The following PHF14 variants were observed in gnomAD, a reference collection of about 807,000 sequenced individuals.
PHF14 encodes the protein PHD finger protein 14.
A neutral mutation model predicts 117.9 loss-of-function variants in PHF14; 55 were observed. That is an observed-to-expected ratio of 0.47 (90% CI 0.38 to 0.58). The LOEUF (loss-of-function observed/expected upper bound fraction) is 0.58. Ranked by LOEUF, PHF14 falls within the 20% of genes least tolerant of loss-of-function variation. The pLI is 0.00. For missense variants in PHF14, 978 were observed against 1,122.2 expected (o/e 0.87, Z 1.84); for synonymous variants, 409 against 368.6 (o/e 1.11, Z -1.26).
chr7:11,122,476 A>G (rs1345523837), intron 17 of PHF14, among the ~76,000 whole-genome samples: 1 of 143,498 alleles, frequency 7.0e-6, no homozygotes, highest in Non-Finnish European at 1.5e-5. Flanking sequence ...GTGTGTGTCA[A>G]AGGGTAGTGA....
At chr7:11,078,466 A>C (rs1785952945) in intron 16 of PHF14, among the ~76,000 whole-genome samples, 1 of 152,174 alleles carries the variant, frequency 6.6e-6, no homozygotes, top group African/African-American at 2.4e-5. Context: ...AAATGCAAAT[A>C]ACCTCTCTGC....
chr7:11,140,223 C>T (rs1034134496), intron 17 of PHF14, among the ~76,000 whole-genome samples: 3 of 152,102 alleles, frequency 2.0e-5, no homozygotes, highest in Non-Finnish European at 4.4e-5. Context: ...GCCCGTTATA[C>T]GACCCTACCG....
At chr7:11,023,587 G>A (rs1270953022) in intron 6 of PHF14, among the ~76,000 whole-genome samples, 1 of 152,174 alleles carries the variant, frequency 6.6e-6, no homozygotes, top group African/African-American at 2.4e-5. Context: ...AGCACTTCGG[G>A]AGGCCAAGGT....
rs1290335245 is a variant in PHF14, at chr7:11,024,267, T to C, written c.1317+1288T>C. ...AAGGTTGAAAGGTAGCAGAGGTTGG[T>C]TCATGAGGTTTAAGGAAAGAAGCCA... is the stretch of plus-strand genomic sequence containing the variant. On this transcript the variant is annotated intron_variant, in intron 6 of 17. Coordinates refer to ENST00000634607, the MANE Select transcript of PHF14 (RefSeq NM_001007157.2). Among the ~76,000 whole-genome samples, 3 of 152,222 alleles carry C rather than the reference T, an allele frequency of 2.0e-5. No individual in the cohort carries two copies. In the East Asian group the frequency reaches 5.8e-4, roughly 29 times the overall value.
At chr7:10,988,974 G>T (rs1330567171) in intron 3 of PHF14, among the ~76,000 whole-genome samples, 3 of 152,122 alleles carry the variant, frequency 2.0e-5, no homozygotes, top group Admixed American at 2.0e-4. Context: ...AATCTGGGCA[G>T]ATTTTTGTTT....
chr7:11,026,811 G>T (rs1161230485), intron 6 of PHF14, among the ~76,000 whole-genome samples: 1 of 151,554 alleles, frequency 6.6e-6, no homozygotes, highest in African/African-American at 2.4e-5. Flanking sequence ...ACAGAAACAG[G>T]TCCAGGCTAA....
At chr7:11,136,186 A>G (rs1368960244) in intron 17 of PHF14, among the ~76,000 whole-genome samples, 2 of 152,154 alleles carry the variant, frequency 1.3e-5, no homozygotes, top group African/African-American at 2.4e-5. Flanking sequence ...TGTAAGGTCA[A>G]TGTGGTCACT....
At chr7:11,148,392 C>T (rs189055646) in intron 17 of PHF14, among the ~76,000 whole-genome samples, 1 of 152,270 alleles carries the variant, frequency 6.6e-6, no homozygotes, top group African/African-American at 2.4e-5. Context: ...GACCGTTGCC[C>T]TTGTTCCCTG....
At chr7:11,150,590 A>C (rs1562486990) in intron 17 of PHF14, among the ~76,000 whole-genome samples, 1 of 152,192 alleles carries the variant, frequency 6.6e-6, no homozygotes, top group Non-Finnish European at 1.5e-5. Context: ...TTAAATTTTT[A>C]AGTAAAGCTT....
At chr7:11,047,311 G>A (rs1410655057) in intron 13 of PHF14, among the ~76,000 whole-genome samples, 4 of 151,760 alleles carry the variant, frequency 2.6e-5, no homozygotes, top group Admixed American at 6.6e-5. Context: ...CTCATGATCC[G>A]CCTGCCTTGG....
chr7:11,019,507 G>A (rs1583374092), intron 5 of PHF14, among the ~76,000 whole-genome samples: 1 of 152,124 alleles, frequency 6.6e-6, no homozygotes, highest in African/African-American at 2.4e-5. Flanking sequence ...ATTTCTTTTA[G>A]ATTTTCTAAT....
intron 17 of PHF14, among the ~76,000 whole-genome samples, chr7:11,114,650 C>G (rs907122564): frequency 2.6e-5 from 4 of 152,096 alleles, no homozygotes; most frequent in African/African-American, 9.7e-5. Context: ...GTCTCATCAA[C>G]TCTTCATAAA....
At chr7:11,078,145 T>C (rs1785939280) in intron 16 of PHF14, among the ~76,000 whole-genome samples, 1 of 152,212 alleles carries the variant, frequency 6.6e-6, no homozygotes, top group South Asian at 2.1e-4. Context: ...TTTTTCCCCT[T>C]ATTTATCCTT....
intron 16 of PHF14, among the ~76,000 whole-genome samples, chr7:11,102,112 T>A (rs1156639500): frequency 6.6e-6 from 1 of 151,820 alleles, no homozygotes; most frequent in East Asian, 1.9e-4. Flanking sequence ...CCATATTTGA[T>A]GAAAAAATAG....
At chr7:11,104,011 A>C in intron 16 of PHF14, 5 of 985,060 alleles carry the variant, frequency 5.1e-6, no homozygotes, top group Non-Finnish European at 6.0e-6. Context: ...GGCTGCTTTT[A>C]AGCAAAATGA....
intron 17 of PHF14, among the ~76,000 whole-genome samples, chr7:11,151,537 C>A (rs185757124): frequency 6.6e-6 from 1 of 152,066 alleles, no homozygotes; most frequent in African/African-American, 2.4e-5. Context: ...CCAGCCTGGG[C>A]GACAGCAAGA....
At chr7:11,034,660 TA>T (rs1784252623) in intron 7 of PHF14, among the ~76,000 whole-genome samples, 1 of 144,898 alleles carries the variant, frequency 6.9e-6, no homozygotes, top group Non-Finnish European at 1.5e-5. Flanking sequence ...GCAATTCTCC[TA>T]CCTCAGCCTC....
At chr7:11,076,845 G>A (rs947650899) in intron 16 of PHF14, among the ~76,000 whole-genome samples, 4 of 151,018 alleles carry the variant, frequency 2.6e-5, no homozygotes, top group Admixed American at 2.6e-4. Context: ...TGGGATTACA[G>A]GCATGAGTCA....
chr7:11,036,080 C>G (rs1001905080), intron 8 of PHF14, among the ~76,000 whole-genome samples: 6 of 152,048 alleles, frequency 3.9e-5, no homozygotes, highest in Non-Finnish European at 5.9e-5. Flanking sequence ...TCAGTTTGTT[C>G]AAAGGATTTA....
Sources: allele counts gnomAD v4.1 joint callset (sites outside exome capture counted in the v4.1 genomes callset), GRCh38; gene constraint gnomAD v4.1.1; transcripts MANE v1.5; gene names NCBI Gene and HGNC (gene_info 2026-07-23, HGNC 2026-07-21).